The following MUC5B variants were observed in gnomAD, a reference collection of about 807,000 sequenced individuals.
MUC5B encodes the protein mucin 5B, oligomeric mucus/gel-forming, also known as mucin-5B.
A neutral mutation model predicts 376.9 loss-of-function variants in MUC5B; 116 were observed. That is an observed-to-expected ratio of 0.31 (90% CI 0.26 to 0.36). The LOEUF (loss-of-function observed/expected upper bound fraction) is 0.36. Among genes scored for constraint, MUC5B ranks in the 10% least tolerant of loss-of-function variants. The pLI is 1.00. For missense variants in MUC5B, 7,165 were observed against 7,769.9 expected (o/e 0.92, Z 2.93); for synonymous variants, 3,517 against 3,390.9 (o/e 1.04, Z -1.29).
In MUC5B at chr11:1,242,080, A is replaced by G. The variant is rs763348515; in HGVS notation, c.5200A>G (p.Ser1734Gly). 9 of 1,610,126 alleles carry G rather than the reference A, an allele frequency of 5.6e-6. No individual in the cohort carries two copies. Residue 1734 changes from serine to glycine, a missense_variant, in exon 31 of 49, where the codon AGC becomes GGC. Ser to Gly is a moderately conservative substitution (Grantham distance 56, BLOSUM62 0). Transcript: ENST00000529681. ...TSRARPTGTA[S>G]TASKEPLTTS... ...CAGAGCTCGCCCGACAGGCACAGCCAGCACCGCTTCCAAAGAGCCGCTGAC... is the reference window on the plus strand; with the variant it reads ...CAGAGCTCGCCCGACAGGCACAGCCGGCACCGCTTCCAAAGAGCCGCTGAC...
intron 45 of MUC5B, 40 bp downstream of exon 45, chr11:1,259,882 C>T: frequency 1.2e-6 from 2 of 1,611,920 alleles, no homozygotes; most frequent in Non-Finnish European, 1.7e-6. Context: ...TCAGCTCCCT[C>T]CCTGGAGACC....
rs373639993 is a variant in MUC5B, at chr11:1,248,237, C to T, written c.11357C>T (p.Ala3786Val). 8 of 1,594,888 alleles carry T rather than the reference C, an allele frequency of 5.0e-6. No individual in the cohort carries two copies. The highest frequency in any genetic ancestry group is 6.9e-6 in the Non-Finnish European group (8 of 1,167,510). The change falls in exon 31 of 49, where the codon GCC (alanine) becomes GTC (valine). Residue 3786 changes from alanine (A) to valine (V), a missense_variant. Ala to Val is a moderately conservative substitution (Grantham distance 64, BLOSUM62 0). Coordinates refer to ENST00000529681, the MANE Select transcript of MUC5B (RefSeq NM_002458.3). ...GCCCTTCCAGCACTGAGAAGCACAGCCACCACACCCACAGCTACCAGCTTT... is the reference window on the plus strand; with the variant it reads ...GCCCTTCCAGCACTGAGAAGCACAGTCACCACACCCACAGCTACCAGCTTT... ...ATALPALRST[A>V]TTPTATSFTA...
rs752402497 is a variant in MUC5B at position 1,249,410 on chromosome 11, A to T, written c.12530A>T (p.Gln4177Leu). Residue 4177 changes from glutamine (Q) to leucine (L), a missense_variant, in exon 31 of 49, where the codon CAG (glutamine) becomes CTG (leucine). Gln to Leu is a moderately radical substitution (Grantham distance 113). Around this residue, in one of 31 missense-constraint regions of MUC5B, gnomAD observed 34 missense variants for 25.7 expected, o/e 1.32. Coordinates refer to ENST00000529681, the MANE Select transcript of MUC5B (RefSeq NM_002458.3). ...CCCCTGGGCCTCGAGTGCCGTGCCC[A>T]GGCCCAGCCTGGTGTCCCCCTGGGG... is the stretch of plus-strand genomic sequence containing the variant. ...EQPLGLECRAQAQPGVPLGEL... is the reference protein window; with the variant it reads ...EQPLGLECRALAQPGVPLGEL... The T allele has an allele frequency of 1.6e-5, 26 of 1,611,328 alleles. No individual in the cohort carries two copies. Among genetic ancestry groups the T allele is most frequent in the Non-Finnish European group, 2.1e-5 (25 of 1,179,614 alleles).
chr11:1,223,688 A>C (rs1220287516), intron 1 of MUC5B, among the ~76,000 whole-genome samples: 1 of 152,140 alleles, frequency 6.6e-6, no homozygotes, highest in African/African-American at 2.4e-5. Flanking sequence ...AGCCAGCCGC[A>C]AGAGCCCCGG....
chr11:1,250,346 C>T lies in MUC5B; in HGVS notation c.13466C>T (p.Thr4489Ile). 6.2e-7 allele frequency: 1 copy of T among 1,613,508 alleles called. No homozygotes were observed. The highest frequency in any genetic ancestry group is 8.5e-7 in the Non-Finnish European group (1 of 1,179,706). Residue 4489 changes from threonine (T) to isoleucine (I), a missense_variant, in exon 31 of 49, where the codon ACA becomes ATA. Physicochemically the swap from Thr to Ile is moderately conservative, Grantham distance 89. Coordinates refer to ENST00000529681, the MANE Select transcript of MUC5B (RefSeq NM_002458.3). The part of the protein sequence containing the change: ...PHVSTTATTP[T>I]VTSSKATPSS... ...GTGAGCACCACGGCCACGACACCCACAGTCACCAGCTCCAAAGCCACTCCC... is the reference window on the plus strand; with the variant it reads ...GTGAGCACCACGGCCACGACACCCATAGTCACCAGCTCCAAAGCCACTCCC...
At position 1,240,310 on chromosome 11, in the gene MUC5B, G is replaced by A. The variant is rs752756625; in HGVS notation, c.3905G>A (p.Cys1302Tyr). Reference protein sequence around the residue: ...NGTIIRKAVACPGTPATTPFT... With the variant: ...NGTIIRKAVAYPGTPATTPFT... Reference sequence around the variant, plus strand: ...ACCATCATCAGGAAGGCTGTGGCATGTCCTGGAACTCCAGCCACAACGCCA... The same window carrying A: ...ACCATCATCAGGAAGGCTGTGGCATATCCTGGAACTCCAGCCACAACGCCA... The change falls in exon 30 of 49, where the codon TGT becomes TAT. Residue 1302 changes from cysteine (C) to tyrosine (Y), a missense_variant. By Grantham distance (194) the Cys-to-Tyr change is radical (BLOSUM62 -2). Transcript: ENST00000529681. 1.2e-6 allele frequency: 2 copies of A among 1,612,982 alleles called. No individual in the cohort carries two copies. Among genetic ancestry groups the A allele is most frequent in the Non-Finnish European group, 1.7e-6 (2 of 1,179,256 alleles).
intron 13 of MUC5B, 77 bp from the exon 14 acceptor site, chr11:1,231,346 C>A: frequency 6.7e-7 from 1 of 1,499,024 alleles, no homozygotes; most frequent in South Asian, 1.3e-5. Flanking sequence ...GCCCGGCCCA[C>A]TGGATGCCCT....
At position 1,247,971 on chromosome 11, in the gene MUC5B, C is replaced by G. The variant is rs768579970; in HGVS notation, c.11091C>G (p.Thr3697=). ...CGACCTGGATCCTCACAAAGCTGACCACAACAGCCACTACGACTGAGTCCA... is the reference window on the plus strand; with the variant it reads ...CGACCTGGATCCTCACAAAGCTGACGACAACAGCCACTACGACTGAGTCCA... ...PGTTWILTKL[T]TTATTTESTG... The change falls in exon 31 of 49, where the codon ACC becomes ACG. Residue 3697 remains threonine, a synonymous_variant. Transcript: ENST00000529681. The G allele has an allele frequency of 3.7e-6, 6 of 1,610,848 alleles. 1 individual carries two copies. The highest frequency in any genetic ancestry group is 4.2e-6 in the Non-Finnish European group (5 of 1,177,952).
Position 1,236,893 on chromosome 11 carries a change from T to C in MUC5B, c.3058-32T>C, listed in dbSNP as rs1474445304. Reference sequence around the variant, plus strand: ...TCCCACGGGTGCCTGTGGCCCCAGCTCCAGGGCCCCACTCTCTCGCTGCCT... The same window carrying C: ...TCCCACGGGTGCCTGTGGCCCCAGCCCCAGGGCCCCACTCTCTCGCTGCCT... On this transcript the variant is annotated intron_variant, in intron 24 of 48. Transcript: ENST00000529681. 4 of 1,404,366 alleles carry C rather than the reference T, an allele frequency of 2.8e-6. No homozygotes were observed. The South Asian group carries it at 5.1e-5, about 18-fold the overall frequency. 87.0% of individuals were successfully genotyped at this position (1,404,366 alleles called of 1,614,324 possible).
At chr11:1,226,924 G>A (rs772151428) in intron 4 of MUC5B, 48 bp downstream of exon 4, 31 of 1,358,090 alleles carry the variant, frequency 2.3e-5, no homozygotes, top group Non-Finnish European at 2.8e-5. Context: ...CACACAGTGT[G>A]ACCTCCCCAC....
rs1862280317 is a variant in MUC5B, at chr11:1,241,372, C to T, written c.4492C>T (p.Pro1498Ser). ...CCCCGTGACGGTCACCCCCTCGGCC[C>T]CAGGTACCACCACCTGCCAGCCCCG... ...SGPVTVTPSAPGTTTCQPRCQ... is the reference protein window; with the variant it reads ...SGPVTVTPSASGTTTCQPRCQ... The change falls in exon 31 of 49, where the codon CCA becomes TCA. Residue 1498 changes from proline (P) to serine (S), a missense_variant. Physicochemically the swap from Pro to Ser is moderately conservative, Grantham distance 74. This residue lies in a region of MUC5B where 517 missense variants were observed against 545.3 expected (regional missense o/e 0.95). Transcript: ENST00000529681. 3 of 1,613,392 alleles carry T rather than the reference C, an allele frequency of 1.9e-6. No individual in the cohort carries two copies. Among genetic ancestry groups the T allele is most frequent in the Non-Finnish European group, 2.5e-6 (3 of 1,179,612 alleles).
At position 1,251,555 on chromosome 11, in the gene MUC5B, C is replaced by A; in HGVS notation, c.14675C>A (p.Ser4892Tyr). 1 of 1,613,034 alleles carries A rather than the reference C, an allele frequency of 6.2e-7. No homozygotes were observed. The highest frequency in any genetic ancestry group is 8.5e-7 in the Non-Finnish European group (1 of 1,179,806). ...TMATMPTATA[S>Y]TVPSSSTVGT... ...GCCACTATGCCCACAGCCACTGCCTCCACGGTTCCCAGCTCGTCCACCGTG... is the reference window on the plus strand; with the variant it reads ...GCCACTATGCCCACAGCCACTGCCTACACGGTTCCCAGCTCGTCCACCGTG... Residue 4892 changes from serine to tyrosine, a missense_variant, in exon 31 of 49, where the codon TCC becomes TAC. By Grantham distance (144) the Ser-to-Tyr change is moderately radical. Transcript: ENST00000529681.
intron 30 of MUC5B, 119 bp from the exon 31 acceptor site, chr11:1,240,732 C>A: frequency 1.0e-6 from 1 of 988,288 alleles, no homozygotes; most frequent in Non-Finnish European, 1.5e-6. Context: ...CACTGGGGTC[C>A]CCAGTATCCC....
Position 1,255,032 on chromosome 11 carries a change from C to T in MUC5B, c.15665-9C>T. 4.4e-6 allele frequency: 7 copies of T among 1,580,218 alleles called. No individual in the cohort carries two copies. Among genetic ancestry groups the T allele is most frequent in the Non-Finnish European group, 6.0e-6 (7 of 1,163,878 alleles). On this transcript the variant is annotated splice_polypyrimidine_tract_variant and intron_variant, in intron 35 of 48. Coordinates refer to ENST00000529681, the MANE Select transcript of MUC5B (RefSeq NM_002458.3). ...GATTCCAGCCCCGCGGTGACGCCCC[C>T]ACTCCCAGGCACCTGCACCAACAAC... is the stretch of plus-strand genomic sequence containing the variant.
chr11:1,225,971 C>T (rs1041990637), intron 2 of MUC5B, among the ~76,000 whole-genome samples: 2 of 152,238 alleles, frequency 1.3e-5, no homozygotes, highest in Non-Finnish European at 1.5e-5. Context: ...CAGGCACATG[C>T]GTGCCCACAC....
Position 1,233,115 on chromosome 11 carries a change from G to T in MUC5B, c.2168G>T (p.Ser723Ile). ...CTGAGTGAGGCCGACGTCACCTGCA[G>T]CGTTTCCTTCGTGCCTGTGGACGGC... ...RGLSEADVTC[S>I]VSFVPVDGCT... is the part of the protein sequence containing the mutation. The change falls in exon 18 of 49, where the codon AGC (serine) becomes ATC (isoleucine). Residue 723 changes from serine to isoleucine, a missense_variant. Physicochemically the swap from Ser to Ile is moderately radical, Grantham distance 142 (BLOSUM62 -2). Transcript: ENST00000529681. 1 of 1,607,978 alleles carries T rather than the reference G, an allele frequency of 6.2e-7. No individual in the cohort carries two copies.
Position 1,254,180 on chromosome 11 carries a change from G to A in MUC5B, c.15306G>A (p.Met5102Ile), listed in dbSNP as rs754750652. ...GGGGCAACTGCACCTATGTCCTCAT[G>A]AGAGAGATCCATGCACGCTTTGGGA... ...TFRGNCTYVL[M>I]REIHARFGNL... The change falls in exon 34 of 49, where the codon ATG becomes ATA. Residue 5102 changes from methionine to isoleucine, a missense_variant. Around this residue, in one of 31 missense-constraint regions of MUC5B, gnomAD observed 842 missense variants for 1,016.9 expected, o/e 0.83. Coordinates refer to ENST00000529681, the MANE Select transcript of MUC5B (RefSeq NM_002458.3). 1.2e-6 allele frequency: 2 copies of A among 1,612,924 alleles called. No individual in the cohort carries two copies. Among genetic ancestry groups the A allele is most frequent in the East Asian group, 2.2e-5 (1 of 44,888 alleles).
In MUC5B at chr11:1,232,123, C is replaced by T; in HGVS notation, c.1806C>T (p.Asn602=). The stretch of plus-strand genomic sequence containing the variant: ...AGGCTGCCTGTGCCAATGCCAGGAA[C>T]AGCTTTGAGGACCCCTGCTCCCTCA... ...KAQAACANAR[N]SFEDPCSLSV... is the part of the protein sequence containing the mutation. Residue 602 remains asparagine (N), a synonymous_variant, in exon 15 of 49, where the codon AAC becomes AAT. Transcript: ENST00000529681. 6.2e-7 allele frequency: 1 copy of T among 1,612,192 alleles called. No homozygotes were observed. The highest frequency in any genetic ancestry group is 8.5e-7 in the Non-Finnish European group (1 of 1,179,440).
chr11:1,252,738 A>AG (rs1281290787), intron 32 of MUC5B, 71 bp from the exon 33 acceptor site: 24 of 1,511,958 alleles, frequency 1.6e-5, no homozygotes, highest in Non-Finnish European at 6.2e-6. Flanking sequence ...TTGGGCCATG[A>AG]GGGGTGGGAT....
Sources: allele counts gnomAD v4.1 joint callset (sites outside exome capture counted in the v4.1 genomes callset), GRCh38; gene constraint gnomAD v4.1.1; regional missense constraint gnomAD v4.1.1; transcripts MANE v1.5; gene names NCBI Gene and HGNC (gene_info 2026-07-23, HGNC 2026-07-21).